The following CDH18 variants were observed in gnomAD, a reference collection of about 807,000 sequenced individuals.
CDH18 encodes the protein cadherin 18, also known as cadherin-18.
A neutral mutation model predicts 67.9 loss-of-function variants in CDH18; 31 were observed. That is an observed-to-expected ratio of 0.46 (90% CI 0.34 to 0.62). The LOEUF is 0.62. Ranked by LOEUF, CDH18 falls within the 20% of genes least tolerant of loss-of-function variation. CDH18 has a pLI of 0.01. For synonymous variants in CDH18, 362 were observed against 347.2 expected, an observed-to-expected ratio of 1.04 and a Z score of -0.48; for missense variants, 890 against 975.5, an observed-to-expected ratio of 0.91 and a Z score of 1.17.
chr5:20,192,852 A>G (rs973408029), intron 2 of CDH18, among the ~76,000 whole-genome samples: 1 of 152,126 alleles, frequency 6.6e-6, no homozygotes, highest in African/African-American at 2.4e-5. Context: ...TTGATTCCAT[A>G]TGAAATTTAG....
At chr5:19,704,801 G>GA (rs1763733138) in intron 5 of CDH18, among the ~76,000 whole-genome samples, 1 of 152,010 alleles carries the variant, frequency 6.6e-6, no homozygotes, top group Non-Finnish European at 1.5e-5. Context: ...TTGTTATTAA[G>GA]AAAAAATCAG....
At chr5:20,040,963 C>T (rs986697096) in intron 2 of CDH18, among the ~76,000 whole-genome samples, 3 of 152,146 alleles carry the variant, frequency 2.0e-5, no homozygotes, top group East Asian at 1.9e-4. Flanking sequence ...GAGAAAAGCA[C>T]TATGAGCTAG....
In CDH18 at chr5:19,591,063, T is replaced by C; in HGVS notation, c.993A>G (p.Leu331=). The change falls in exon 7 of 13, where the codon TTA becomes TTG. Residue 331 remains leucine, a synonymous_variant. Coordinates refer to ENST00000382275, the MANE Select transcript of CDH18 (RefSeq NM_004934.5). ...AAAAGTATGTTCTTTTTACCTTCTT[T>C]AAAGAAAGGATTCCTTCTCTGGTCT... ...DKETREGILS[L]KKPLNYEKKK... is the part of the protein sequence containing the mutation. 3.8e-6 allele frequency: 6 copies of C among 1,571,946 alleles called. No homozygotes were observed. Among genetic ancestry groups the C allele is most frequent in the Non-Finnish European group, 5.2e-6 (6 of 1,158,532 alleles).
intron 2 of CDH18, among the ~76,000 whole-genome samples, chr5:19,955,732 A>G (rs1796199606): frequency 6.6e-6 from 1 of 152,222 alleles, no homozygotes; most frequent in African/African-American, 2.4e-5. Context: ...ATGTGAGAAA[A>G]GTTAAGAATG....
chr5:20,057,497 A>G (rs1742098960), intron 2 of CDH18, among the ~76,000 whole-genome samples: 2 of 152,210 alleles, frequency 1.3e-5, no homozygotes, highest in African/African-American at 4.8e-5. Context: ...AAAGATATTT[A>G]GATTGTTCAA....
chr5:19,475,889 T>G (rs1277315675), intron 12 of CDH18, among the ~76,000 whole-genome samples: 1 of 152,068 alleles, frequency 6.6e-6, no homozygotes, highest in Admixed American at 6.6e-5. Context: ...CTTTTACTGC[T>G]TACCTCTGCA....
chr5:19,612,362 T>G, intron 6 of CDH18, 72 bp downstream of exon 6: 1 of 1,437,554 alleles, frequency 7.0e-7, no homozygotes, highest in Non-Finnish European at 9.7e-7. Flanking sequence ...AACATAACAC[T>G]GTTCAAGTAT....
At chr5:19,618,579 G>A (rs1257044691) in intron 5 of CDH18, among the ~76,000 whole-genome samples, 2 of 152,012 alleles carry the variant, frequency 1.3e-5, no homozygotes, top group Non-Finnish European at 2.9e-5. Context: ...TACAGAAAAT[G>A]GGTAGGACTC....
intron 4 of CDH18, among the ~76,000 whole-genome samples, chr5:19,736,369 C>T (rs1768326653): frequency 6.6e-6 from 1 of 152,014 alleles, no homozygotes; most frequent in Non-Finnish European, 1.5e-5. Context: ...GCCTGGGGGA[C>T]TGTCTCAAAA....
intron 6 of CDH18, among the ~76,000 whole-genome samples, chr5:19,606,692 TTA>T (rs1748099333): frequency 6.6e-6 from 1 of 151,788 alleles, no homozygotes; most frequent in African/African-American, 2.4e-5. Context: ...TAGATGAATG[TTA>T]TATAACTGAA....
At chr5:19,509,057 T>C (rs1476582979) in intron 10 of CDH18, among the ~76,000 whole-genome samples, 2 of 151,866 alleles carry the variant, frequency 1.3e-5, no homozygotes, top group Non-Finnish European at 2.9e-5. Flanking sequence ...TTGGTAGAAA[T>C]GGGTTTTTGC....
intron 1 of CDH18, among the ~76,000 whole-genome samples, chr5:20,476,202 T>C (rs1752430177): frequency 6.6e-6 from 1 of 152,172 alleles, no homozygotes; most frequent in Non-Finnish European, 1.5e-5. Context: ...AATGATTGGT[T>C]GAGGTTTCAG....
In CDH18 at chr5:19,950,668, G is replaced by T. The variant is rs116566338; in HGVS notation, c.-257+30392C>A. Among the ~76,000 whole-genome samples the T allele has an allele frequency of 5.2e-3, 793 of 152,134 alleles. 4 individuals are homozygous for T. The highest frequency in any genetic ancestry group is 0.018 in the African/African-American group (752 of 41,526). On this transcript the variant is annotated intron_variant, in intron 2 of 12. Transcript: ENST00000382275. ...ATCTTAACTACTATCTGGAATTAAA[G>T]TTACCAAATAAAAGTTGATATCGAG...
chr5:20,441,856 A>G (rs1240445755), intron 1 of CDH18, among the ~76,000 whole-genome samples: 1 of 151,970 alleles, frequency 6.6e-6, no homozygotes, highest in East Asian at 1.9e-4. Flanking sequence ...TTTAATCAAG[A>G]GATGACAATC....
Position 19,571,841 on chromosome 5 carries a change from A to C in CDH18, c.1000-9T>G, listed in dbSNP as rs1347918625. 6.3e-7 allele frequency: 1 copy of C among 1,579,062 alleles called. No homozygotes were observed. The highest frequency in any genetic ancestry group is 8.6e-7 in the Non-Finnish European group (1 of 1,156,290). Reference sequence around the variant, plus strand: ...TTCTCATAGTTCAGTGGCTGTGGGGAAAAAAAATAAGATTATGACTTTTAT... The same window carrying C: ...TTCTCATAGTTCAGTGGCTGTGGGGCAAAAAAATAAGATTATGACTTTTAT... On this transcript the variant is annotated splice_polypyrimidine_tract_variant and intron_variant, in intron 7 of 12. Coordinates refer to ENST00000382275, the MANE Select transcript of CDH18 (RefSeq NM_004934.5).
chr5:19,543,165 T>C (rs1269686610), intron 9 of CDH18, among the ~76,000 whole-genome samples: 1 of 152,182 alleles, frequency 6.6e-6, no homozygotes, highest in African/African-American at 2.4e-5. Context: ...AAAAACTTTA[T>C]TGTTATGAAG....
chr5:19,748,558 G>A (rs892666909), intron 3 of CDH18, among the ~76,000 whole-genome samples: 30 of 152,078 alleles, frequency 2.0e-4, no homozygotes, highest in African/African-American at 7.0e-4. Flanking sequence ...GGTCTGAACA[G>A]TTATCCTTTA....
intron 3 of CDH18, among the ~76,000 whole-genome samples, chr5:19,783,967 A>C (rs1775415171): frequency 6.6e-6 from 1 of 152,132 alleles, no homozygotes; most frequent in South Asian, 2.1e-4. Context: ...TTATATACAA[A>C]AATCCCATAG....
rs146904745 is a variant in CDH18, at chr5:19,832,552, C to T, written c.228+6207G>A. On this transcript the variant is annotated intron_variant, in intron 3 of 12. Coordinates refer to ENST00000382275, the MANE Select transcript of CDH18 (RefSeq NM_004934.5). ...GATCACAATAATTCTACTTTTTATA[C>T]AAGACTGCTATGAAATTTCTTTTGG... Among the ~76,000 whole-genome samples the T allele has an allele frequency of 1.4e-3, 210 of 151,800 alleles. 1 individual carries two copies. The highest frequency in any genetic ancestry group is 4.5e-3 in the African/African-American group (188 of 41,524).
Sources: gnomAD v4.1 joint callset for allele counts (sites outside exome capture counted in the v4.1 genomes callset) on GRCh38, gnomAD v4.1.1 for gene constraint, MANE v1.5 for transcripts, NCBI Gene and HGNC (gene_info 2026-07-23, HGNC 2026-07-21) for gene names.